The following CEP70 variants were observed in gnomAD, a reference collection of about 807,000 sequenced individuals.
CEP70 encodes centrosomal protein of 70 kDa.
A neutral mutation model predicts 90.9 loss-of-function variants in CEP70; 70 were observed. That is an observed-to-expected ratio of 0.77 (90% CI 0.64 to 0.94). CEP70 has a LOEUF of 0.94. Ranked by LOEUF, CEP70 falls within the 40% of genes least tolerant of loss-of-function variation. The pLI, the probability that CEP70 is intolerant of heterozygous loss-of-function variation, is 0.00. For synonymous variants in CEP70, 220 were observed against 228.3 expected (o/e 0.96, Z 0.33); for missense variants, 648 against 669.0 (o/e 0.97, Z 0.35).
At chr3:138,510,317 C>CAGCT (rs1397574312) in intron 11 of CEP70, among the ~76,000 whole-genome samples, 2 of 151,688 alleles carry the variant, frequency 1.3e-5, no homozygotes, top group African/African-American at 2.4e-5. Flanking sequence ...CCTGTAGTCC[C>CAGCT]AGCTACTCGG....
intron 16 of CEP70, 83 bp from the exon 17 acceptor site, chr3:138,498,193 G>C: frequency 5.6e-6 from 5 of 890,046 alleles, no homozygotes; most frequent in Non-Finnish European, 7.1e-6. Context: ...TTTCAAAATA[G>C]AAACTATATT....
intron 6 of CEP70, among the ~76,000 whole-genome samples, chr3:138,544,539 G>GTA (rs879662255): frequency 5.5e-4 from 83 of 150,048 alleles, no homozygotes; most frequent in African/African-American, 1.2e-3. Flanking sequence ...ATGTATGTAT[G>GTA]TGTGTGTGTG....
At chr3:138,537,134 C>T (rs2038343304) in intron 7 of CEP70, 44 bp downstream of exon 7, 1 of 1,362,334 alleles carries the variant, frequency 7.3e-7, no homozygotes, top group African/African-American at 1.5e-5. Flanking sequence ...CAAACAAACA[C>T]AACAATGAAT....
At chr3:138,534,148 A>C (rs899366946) in intron 7 of CEP70, among the ~76,000 whole-genome samples, 1 of 152,216 alleles carries the variant, frequency 6.6e-6, no homozygotes, top group African/African-American at 2.4e-5. Context: ...AAATAATACT[A>C]TGCTTTCATG....
At chr3:138,515,578 A>G (rs893968534) in intron 11 of CEP70, among the ~76,000 whole-genome samples, 5 of 152,172 alleles carry the variant, frequency 3.3e-5, no homozygotes, top group Non-Finnish European at 5.9e-5. Context: ...TGAAAACTAA[A>G]CATGTGTGTG....
chr3:138,537,240 G>A lies in CEP70; in HGVS notation c.573C>T (p.Val191=), dbSNP rs1316685577. 32 of 1,606,376 alleles carry A rather than the reference G, an allele frequency of 2.0e-5. No individual in the cohort carries two copies. The East Asian group carries it at 6.3e-4, about 32-fold the overall frequency. The change falls in exon 7 of 18, where the codon GTC becomes GTT. Residue 191 remains valine (V), a synonymous_variant. Transcript: ENST00000264982. ...GATAGGCAAACACTCTGTTTTGAGT[G>A]ACAATGCGATCTTCTTCCTCCTTTT... The part of the protein sequence containing the change: ...RLKKEEEDRI[V]TQNRVFAYLC...
intron 2 of CEP70, among the ~76,000 whole-genome samples, chr3:138,589,675 A>G (rs1181340801): frequency 6.6e-6 from 1 of 151,980 alleles, no homozygotes; most frequent in Non-Finnish European, 1.5e-5. Context: ...AAAAAAGAAA[A>G]CAAATTATTT....
chr3:138,567,421 T>C (rs1419350668), intron 6 of CEP70, among the ~76,000 whole-genome samples: 2 of 152,210 alleles, frequency 1.3e-5, no homozygotes, highest in Non-Finnish European at 2.9e-5. Flanking sequence ...CCTCAAAACA[T>C]GCCACTTTGG....
chr3:138,497,330 T>TAAA, intron 17 of CEP70: 1 of 1,241,014 alleles, frequency 8.1e-7, no homozygotes, highest in Non-Finnish European at 1.0e-6. Context: ...GAGCCATTCT[T>TAAA]TAAAAAAAAA....
At chr3:138,497,458 T>C in intron 17 of CEP70, 1 of 1,108,792 alleles carries the variant, frequency 9.0e-7, no homozygotes, top group Non-Finnish European at 1.1e-6. Flanking sequence ...TGTAATTATA[T>C]TTAAACTAGA....
At chr3:138,497,952 G>T in intron 17 of CEP70, 79 bp downstream of exon 17, 4 of 1,577,028 alleles carry the variant, frequency 2.5e-6, no homozygotes, top group Non-Finnish European at 3.4e-6. Context: ...TACTAATCCA[G>T]TGACCAAGGA....
chr3:138,516,088 A>G (rs765244852), intron 11 of CEP70, among the ~76,000 whole-genome samples: 3 of 152,160 alleles, frequency 2.0e-5, no homozygotes, highest in Non-Finnish European at 4.4e-5. Flanking sequence ...CCAAACTCAT[A>G]TAATGGCTAC....
chr3:138,498,480 G>A (rs1352680331), intron 16 of CEP70, among the ~76,000 whole-genome samples: 1 of 151,428 alleles, frequency 6.6e-6, no homozygotes, highest in Non-Finnish European at 1.5e-5. Context: ...CTCCTGTAGT[G>A]CCTGCCACTA....
intron 6 of CEP70, among the ~76,000 whole-genome samples, chr3:138,543,518 A>G (rs1042901879): frequency 3.3e-5 from 5 of 152,220 alleles, no homozygotes; most frequent in African/African-American, 1.2e-4. Context: ...TTCCAGGCCC[A>G]TAAGAGCGCA....
At chr3:138,562,202 A>G (rs1254258946) in intron 6 of CEP70, among the ~76,000 whole-genome samples, 1 of 152,126 alleles carries the variant, frequency 6.6e-6, no homozygotes, top group Non-Finnish European at 1.5e-5. Flanking sequence ...ATATGCGACT[A>G]TGTGAAAAGA....
chr3:138,532,949 C>G (rs563079158), intron 7 of CEP70, among the ~76,000 whole-genome samples: 2 of 152,262 alleles, frequency 1.3e-5, no homozygotes, highest in South Asian at 4.1e-4. Flanking sequence ...AACTCTCCAT[C>G]AGGAGAAAGG....
intron 8 of CEP70, among the ~76,000 whole-genome samples, chr3:138,531,103 C>T (rs1439092275): frequency 6.6e-6 from 1 of 152,156 alleles, no homozygotes; most frequent in East Asian, 1.9e-4. Context: ...TACTTTACTT[C>T]AGCTAGACAA....
chr3:138,519,511 G>A (rs965354459), intron 11 of CEP70, among the ~76,000 whole-genome samples: 5 of 152,222 alleles, frequency 3.3e-5, no homozygotes, highest in Non-Finnish European at 5.9e-5. Flanking sequence ...AACCAGAAGA[G>A]AGTGGGGGGC....
chr3:138,583,452 T>C (rs2041964206), intron 2 of CEP70, among the ~76,000 whole-genome samples: 1 of 152,160 alleles, frequency 6.6e-6, no homozygotes, highest in Non-Finnish European at 1.5e-5. Flanking sequence ...ATAGAACAAA[T>C]GGACCTAACA....
Sources: gnomAD v4.1 joint callset for allele counts (sites outside exome capture counted in the v4.1 genomes callset) on GRCh38, gnomAD v4.1.1 for gene constraint, MANE v1.5 for transcripts, NCBI Gene and HGNC (gene_info 2026-07-23, HGNC 2026-07-21) for gene names.